The following GPR158 variants were observed in gnomAD, a reference collection of about 807,000 sequenced individuals.
The protein encoded by GPR158 is metabotropic glycine receptor.
GPR158 carries 30 observed loss-of-function variants against 78.2 expected under a neutral mutation model. The ratio of observed to expected loss-of-function variants is 0.38; its 90% confidence interval spans 0.29 to 0.52. The LOEUF (loss-of-function observed/expected upper bound fraction) is 0.52. GPR158 is among the 20% of genes least tolerant of loss of function. GPR158 has a pLI of 0.83. For missense variants in GPR158, 1,463 were observed against 1,523.5 expected, an observed-to-expected ratio of 0.96 and a Z score of 0.66; for synonymous variants, 581 against 591.1, an observed-to-expected ratio of 0.98 and a Z score of 0.25.
intron 1 of GPR158, among the ~76,000 whole-genome samples, chr10:25,194,624 G>C (rs565922006): frequency 5.9e-5 from 9 of 152,248 alleles, no homozygotes; most frequent in African/African-American, 2.2e-4. Context: ...TGCATGACAG[G>C]AGAAGGAAGT....
intron 6 of GPR158, among the ~76,000 whole-genome samples, chr10:25,569,498 A>AT (rs942475289): frequency 3.0e-4 from 45 of 152,266 alleles, no homozygotes; most frequent in African/African-American, 1.0e-3. Flanking sequence ...GTTCATAACT[A>AT]TTTTTTCTCT....
Position 25,570,882 on chromosome 10 carries a change from T to C in GPR158, c.1515-1767T>C, listed in dbSNP as rs184550130. Among the ~76,000 whole-genome samples the C allele has an allele frequency of 3.2e-4, 49 of 152,292 alleles. 2 individuals are homozygous for C. The highest frequency in any genetic ancestry group is 1.2e-3 in the African/African-American group (48 of 41,554). On this transcript the variant is annotated intron_variant, in intron 6 of 10. Transcript: ENST00000376351. ...TTGCAGTTAGCTGAGATCACGCCAC[T>C]GCATTCCAGCCTGGGTGACAAAGTG... is the stretch of plus-strand genomic sequence containing the variant.
chr10:25,403,072 GA>G (rs1389938263), intron 3 of GPR158, among the ~76,000 whole-genome samples: 1 of 151,406 alleles, frequency 6.6e-6, no homozygotes, highest in Non-Finnish European at 1.5e-5. Flanking sequence ...TAAAAATTTG[GA>G]ATTATATTTA....
chr10:25,552,813 G>A (rs147036272), intron 6 of GPR158, among the ~76,000 whole-genome samples: 3 of 152,294 alleles, frequency 2.0e-5, no homozygotes, highest in Admixed American at 6.5e-5. Flanking sequence ...TGTGGTCTGC[G>A]AGAGTATGTT....
At chr10:25,413,573 T>C (rs1834621436) in intron 4 of GPR158, among the ~76,000 whole-genome samples, 2 of 152,320 alleles carry the variant, frequency 1.3e-5, no homozygotes, top group Middle Eastern at 6.8e-3. Flanking sequence ...AAATGATCTC[T>C]TTATACTGGC....
At chr10:25,422,643 G>T (rs1377211850) in intron 4 of GPR158, among the ~76,000 whole-genome samples, 1 of 101,260 alleles carries the variant, frequency 9.9e-6, no homozygotes, top group Admixed American at 9.2e-5. Flanking sequence ...AAAAAAAAAT[G>T]TGACATATAC....
rs536951512 is a variant in GPR158, at chr10:25,188,508, A to G, written c.902+12186A>G. Among the ~76,000 whole-genome samples the G allele has an allele frequency of 1.1e-4, 16 of 152,320 alleles. 1 individual carries two copies. In the South Asian group the frequency reaches 2.3e-3, roughly 22 times the overall value. ...TCTACAACCATCTGATCTTTGACAA[A>G]CCTGACAAAAACAACAAATGGGTAA... On this transcript the variant is annotated intron_variant, in intron 1 of 10. Coordinates refer to ENST00000376351, the MANE Select transcript of GPR158 (RefSeq NM_020752.3).
At chr10:25,562,471 G>T (rs1836872473) in intron 6 of GPR158, among the ~76,000 whole-genome samples, 1 of 152,068 alleles carries the variant, frequency 6.6e-6, no homozygotes, top group South Asian at 2.1e-4. Flanking sequence ...CATAAATTCT[G>T]ATATGTTTTT....
At chr10:25,306,829 C>A (rs1854682430) in intron 2 of GPR158, among the ~76,000 whole-genome samples, 1 of 152,084 alleles carries the variant, frequency 6.6e-6, no homozygotes. Flanking sequence ...CTTCATTTTT[C>A]ACCTGGTCTA....
intron 2 of GPR158, among the ~76,000 whole-genome samples, chr10:25,286,107 G>A (rs1854348155): frequency 6.6e-6 from 1 of 152,002 alleles, no homozygotes; most frequent in East Asian, 1.9e-4. Flanking sequence ...ATGCCTATAT[G>A]TGTGTGTGCA....
intron 2 of GPR158, among the ~76,000 whole-genome samples, chr10:25,285,971 C>G (rs1425861508): frequency 6.6e-6 from 1 of 152,176 alleles, no homozygotes; most frequent in African/African-American, 2.4e-5. Context: ...TTCTGACTTG[C>G]AGTGCTTCTT....
At chr10:25,538,041 T>C (rs948649684) in intron 5 of GPR158, among the ~76,000 whole-genome samples, 16 of 152,164 alleles carry the variant, frequency 1.1e-4, no homozygotes, top group Admixed American at 2.6e-4. Flanking sequence ...AAAAGATCAA[T>C]CTTTTCAAAA....
chr10:25,311,221 A>AT (rs150039455), intron 2 of GPR158, among the ~76,000 whole-genome samples: 30,692 of 151,376 alleles, frequency 0.2, 5,247 homozygotes, highest in African/African-American at 0.47. Flanking sequence ...AAACTTTTTG[A>AT]TTTTTTTTGG....
chr10:25,465,725 G>A (rs1835412153), intron 4 of GPR158, among the ~76,000 whole-genome samples: 1 of 152,138 alleles, frequency 6.6e-6, no homozygotes, highest in African/African-American at 2.4e-5. Flanking sequence ...TCAAGACCTT[G>A]TGCATGTGCT....
At chr10:25,538,414 A>G (rs374462738) in intron 5 of GPR158, among the ~76,000 whole-genome samples, 2 of 152,188 alleles carry the variant, frequency 1.3e-5, no homozygotes, top group African/African-American at 4.8e-5. Flanking sequence ...GGTAATAAAC[A>G]GGGGACAAGT....
At position 25,600,205 on chromosome 10, in the gene GPR158, A is replaced by T. The variant is rs927147309; in HGVS notation, c.*931A>T. On this transcript the variant is annotated 3_prime_UTR_variant, in exon 11 of 11. Transcript: ENST00000376351. ...ACTTAGTCATATGTCTCAATAAGTTAAGGACAACTTATCCGTTGTTTATTC... is the reference window on the plus strand; with the variant it reads ...ACTTAGTCATATGTCTCAATAAGTTTAGGACAACTTATCCGTTGTTTATTC... The T allele has an allele frequency of 6.6e-6, 1 of 152,632 alleles. No individual in the cohort carries two copies. The highest frequency in any genetic ancestry group is 2.4e-5 in the African/African-American group (1 of 41,456). 9.5% of individuals were successfully genotyped at this position (152,632 alleles called of 1,614,324 possible).
At chr10:25,287,594 A>G (rs1310099430) in intron 2 of GPR158, among the ~76,000 whole-genome samples, 1 of 152,066 alleles carries the variant, frequency 6.6e-6, no homozygotes, top group Non-Finnish European at 1.5e-5. Flanking sequence ...TATATTCTTG[A>G]CTAGCCCACG....
intron 5 of GPR158, among the ~76,000 whole-genome samples, chr10:25,549,287 C>T (rs375061439): frequency 4.7e-4 from 72 of 152,126 alleles, no homozygotes; most frequent in Admixed American, 7.2e-4. Context: ...CTAAGTTTTT[C>T]CTCCCCCTTT....
intron 2 of GPR158, among the ~76,000 whole-genome samples, chr10:25,284,639 G>A (rs1854321364): frequency 6.6e-6 from 1 of 151,374 alleles, no homozygotes; most frequent in African/African-American, 2.4e-5. Context: ...TGATATGCTT[G>A]GATTAAAATA....
Sources: gnomAD v4.1 joint callset for allele counts (sites outside exome capture counted in the v4.1 genomes callset) on GRCh38, gnomAD v4.1.1 for gene constraint, MANE v1.5 for transcripts, NCBI Gene and HGNC (gene_info 2026-07-23, HGNC 2026-07-21) for gene names.